STX2: variants seen among roughly 807,000 people sequenced by gnomAD.
STX2 encodes the protein syntaxin-2.
In STX2, 27 loss-of-function variants were observed where a neutral mutation model predicts 40.6. The observed-to-expected ratio is 0.66, with a 90% CI of 0.49 to 0.92. The LOEUF (loss-of-function observed/expected upper bound fraction) is 0.92, where lower values mean the gene tolerates loss of function less well. STX2 is among the 40% of genes least tolerant of loss of function. The probability of loss-of-function intolerance (pLI) is 0.00; values close to 1 mark genes in which losing one functional copy is unlikely to be tolerated. For synonymous variants in STX2, 123 were observed against 119.1 expected (o/e 1.03, Z -0.22); for missense variants, 328 against 366.1 (o/e 0.90, Z 0.85).
In STX2 at chr12:130,839,067, C is replaced by G; in HGVS notation, c.30+3G>C. 1 of 1,342,752 alleles carries G rather than the reference C, an allele frequency of 7.4e-7. No homozygotes were observed. 83.2% of individuals were successfully genotyped at this position (1,342,752 alleles called of 1,614,324 possible). On this transcript the variant is annotated splice_donor_region_variant and intron_variant, in intron 1 of 10. Coordinates refer to ENST00000392373, the MANE Select transcript of STX2 (RefSeq NM_194356.4). ...TGAACCGCTACCCGCGGCTGCCGCT[C>G]ACCGCCGTCAGGTCTGGCAGCCGGT... is the stretch of plus-strand genomic sequence containing the variant.
intron 2 of STX2, among the ~76,000 whole-genome samples, chr12:130,823,198 G>A (rs527552165): frequency 6.6e-6 from 1 of 152,316 alleles, no homozygotes; most frequent in Admixed American, 6.5e-5. Flanking sequence ...TGCAGTCCCA[G>A]CCACTCAGGA....
intron 1 of STX2, among the ~76,000 whole-genome samples, chr12:130,832,974 G>A (rs1218841290): frequency 6.6e-6 from 1 of 152,056 alleles, no homozygotes; most frequent in Non-Finnish European, 1.5e-5. Context: ...CCACACCCTC[G>A]CCCTGCTTAT....
intron 3 of STX2, among the ~76,000 whole-genome samples, chr12:130,817,493 T>C (rs1256587090): frequency 6.6e-6 from 1 of 151,976 alleles, no homozygotes; most frequent in South Asian, 2.1e-4. Flanking sequence ...GACATACAAT[T>C]CCAGCCGCAA....
At chr12:130,833,491 A>G (rs1234632656) in intron 1 of STX2, among the ~76,000 whole-genome samples, 1 of 150,032 alleles carries the variant, frequency 6.7e-6, no homozygotes, top group Non-Finnish European at 1.5e-5. Flanking sequence ...GCTTACTGCA[A>G]CCTCCACTTC....
chr12:130,799,177 T>C (rs1438129686), intron 8 of STX2, among the ~76,000 whole-genome samples: 3 of 152,254 alleles, frequency 2.0e-5, no homozygotes, highest in African/African-American at 7.2e-5. Context: ...CCTGGTTGTC[T>C]GTCCAGACAC....
chr12:130,802,234 G>A (rs1327157678), intron 6 of STX2, among the ~76,000 whole-genome samples: 1 of 152,196 alleles, frequency 6.6e-6, no homozygotes, highest in East Asian at 1.9e-4. Flanking sequence ...GTCTCACTCT[G>A]TCGCCCAGCC....
At chr12:130,817,467 A>C (rs1951904013) in intron 3 of STX2, among the ~76,000 whole-genome samples, 1 of 152,208 alleles carries the variant, frequency 6.6e-6, no homozygotes, top group Admixed American at 6.5e-5. Context: ...GAAAGGATAC[A>C]CTGAAACGCT....
At chr12:130,795,597 G>A (rs531249108) in intron 10 of STX2, among the ~76,000 whole-genome samples, 45 of 152,206 alleles carry the variant, frequency 3.0e-4, no homozygotes, top group African/African-American at 8.2e-4. Context: ...AAAATTAGCC[G>A]AGTGTGCTGG....
intron 1 of STX2, among the ~76,000 whole-genome samples, chr12:130,832,906 T>C (rs1273301676): frequency 2.6e-5 from 4 of 152,134 alleles, no homozygotes; most frequent in Non-Finnish European, 5.9e-5. Flanking sequence ...GCCGCTTTCT[T>C]ATCCACAGCT....
intron 6 of STX2, among the ~76,000 whole-genome samples, chr12:130,805,975 G>A (rs935607444): frequency 6.6e-6 from 1 of 152,136 alleles, no homozygotes; most frequent in African/African-American, 2.4e-5. Context: ...TGTACAGTGG[G>A]GAGCAACACA....
At chr12:130,808,495 A>C (rs1354076161) in intron 5 of STX2, 136 bp downstream of exon 5, 4 of 832,128 alleles carry the variant, frequency 4.8e-6, no homozygotes, top group Non-Finnish European at 3.7e-6. Context: ...GTTTTACAAT[A>C]CTATATTATT....
At chr12:130,834,174 G>A (rs568935058) in intron 1 of STX2, among the ~76,000 whole-genome samples, 6 of 151,930 alleles carry the variant, frequency 3.9e-5, no homozygotes, top group South Asian at 2.1e-4. Context: ...ACCTGAGGTC[G>A]GGAGTTCGAG....
chr12:130,809,286 T>C (rs1951557996), intron 4 of STX2, among the ~76,000 whole-genome samples: 1 of 150,914 alleles, frequency 6.6e-6, no homozygotes, highest in Non-Finnish European at 1.5e-5. Context: ...AAAACACACA[T>C]ACAAAAAAAT....
chr12:130,817,098 G>C (rs1482508575), intron 3 of STX2, among the ~76,000 whole-genome samples: 1 of 149,790 alleles, frequency 6.7e-6, no homozygotes, highest in Non-Finnish European at 1.5e-5. Context: ...AAATAACCAG[G>C]CAAACAAAGA....
intron 1 of STX2, among the ~76,000 whole-genome samples, chr12:130,837,670 C>T (rs2074929543): frequency 6.6e-6 from 1 of 152,126 alleles, no homozygotes; most frequent in Admixed American, 6.6e-5. Context: ...CAAGTGATGC[C>T]CCCACCCTGA....
chr12:130,801,540 C>A, intron 6 of STX2, 52 bp from the exon 7 acceptor site: 1 of 1,484,574 alleles, frequency 6.7e-7, no homozygotes, highest in Non-Finnish European at 9.0e-7. Flanking sequence ...AATTTAAAAA[C>A]AAAGCCATTT....
chr12:130,797,573 CCA>C (rs943139134), intron 9 of STX2, among the ~76,000 whole-genome samples: 1 of 152,140 alleles, frequency 6.6e-6, no homozygotes, highest in African/African-American at 2.4e-5. Flanking sequence ...GGAGGTGCAT[CCA>C]CACACACCGT....
intron 4 of STX2, among the ~76,000 whole-genome samples, chr12:130,811,882 A>C (rs1275061071): frequency 6.6e-6 from 1 of 152,146 alleles, no homozygotes; most frequent in East Asian, 1.9e-4. Flanking sequence ...TAAAATCTGT[A>C]ATCAGATGCT....
intron 2 of STX2, among the ~76,000 whole-genome samples, chr12:130,823,712 C>T (rs994811209): frequency 3.9e-5 from 6 of 152,304 alleles, no homozygotes; most frequent in African/African-American, 1.2e-4. Flanking sequence ...AGGTGATAAA[C>T]GTGTTGTTGA....
Sources: allele counts gnomAD v4.1 joint callset (sites outside exome capture counted in the v4.1 genomes callset), GRCh38; gene constraint gnomAD v4.1.1; transcripts MANE v1.5; gene names NCBI Gene and HGNC (gene_info 2026-07-23, HGNC 2026-07-21).